Variants in XKR6 observed in about 807,000 individuals in gnomAD.
XKR6 encodes XK-related protein 6.
In XKR6, 22 loss-of-function variants were observed where a neutral mutation model predicts 56.7. The ratio of observed to expected loss-of-function variants is 0.39; its 90% CI spans 0.28 to 0.55. The LOEUF (loss-of-function observed/expected upper bound fraction) is 0.55, where lower values mean the gene tolerates loss of function less well. XKR6 is among the 20% of genes least tolerant of loss of function. The pLI, the probability that XKR6 is intolerant of heterozygous loss-of-function variation, is 0.66. For synonymous variants in XKR6, 524 were observed against 387.8 expected (o/e 1.35, Z -4.13); for missense variants, 852 against 889.0 (o/e 0.96, Z 0.53).
intron 1 of XKR6, among the ~76,000 whole-genome samples, chr8:10,982,298 T>G (rs78522136): frequency 0.024 from 3,628 of 152,326 alleles, 152 homozygotes; most frequent in African/African-American, 0.083. Context: ...AGATACGGTT[T>G]CTCAAGAAAG....
At chr8:11,065,897 G>A (rs1292476916) in intron 1 of XKR6, among the ~76,000 whole-genome samples, 1 of 152,204 alleles carries the variant, frequency 6.6e-6, no homozygotes, top group Non-Finnish European at 1.5e-5. Flanking sequence ...CAATGTGGCA[G>A]GGCTAAGCAA....
chr8:10,979,257 G>A (rs1436209934), intron 1 of XKR6, among the ~76,000 whole-genome samples: 1 of 151,960 alleles, frequency 6.6e-6, no homozygotes, highest in South Asian at 2.1e-4. Flanking sequence ...CAACCCCCAA[G>A]GGCCCAGCGA....
chr8:11,108,095 G>A (rs138357483), intron 1 of XKR6: 61 of 332,284 alleles, frequency 1.8e-4, no homozygotes, highest in African/African-American at 1.2e-3. Flanking sequence ...TCCCAGATCC[G>A]AAAACAGAGA....
intron 1 of XKR6, among the ~76,000 whole-genome samples, chr8:10,956,289 T>C (rs1801884747): frequency 6.6e-6 from 1 of 151,346 alleles, no homozygotes; most frequent in Admixed American, 6.6e-5. Context: ...CACGGTCATT[T>C]CATTTCCTTT....
At chr8:11,117,311 C>G (rs921559699) in intron 1 of XKR6, among the ~76,000 whole-genome samples, 1 of 152,164 alleles carries the variant, frequency 6.6e-6, no homozygotes, top group African/African-American at 2.4e-5. Flanking sequence ...CTGACACATA[C>G]GCCTCTTGTC....
At chr8:11,081,193 T>C (rs570455893) in intron 1 of XKR6, among the ~76,000 whole-genome samples, 7 of 152,212 alleles carry the variant, frequency 4.6e-5, no homozygotes, top group Non-Finnish European at 1.0e-4. Flanking sequence ...AAAATCCCTC[T>C]GTGAAAACTG....
At chr8:11,158,176 C>T (rs562948926) in intron 1 of XKR6, among the ~76,000 whole-genome samples, 2 of 152,214 alleles carry the variant, frequency 1.3e-5, no homozygotes, top group East Asian at 1.9e-4. Context: ...AATAATCAAT[C>T]GTCAGCCATA....
At chr8:11,116,676 G>A (rs1228907383) in intron 1 of XKR6, among the ~76,000 whole-genome samples, 1 of 152,100 alleles carries the variant, frequency 6.6e-6, no homozygotes, top group African/African-American at 2.4e-5. Context: ...AGGCCTATTT[G>A]CTACCATTCG....
chr8:11,143,796 C>T (rs922515842), intron 1 of XKR6, among the ~76,000 whole-genome samples: 6 of 152,250 alleles, frequency 3.9e-5, no homozygotes, highest in African/African-American at 7.2e-5. Context: ...CTACTTCATT[C>T]GACTCTGAGG....
intron 1 of XKR6, among the ~76,000 whole-genome samples, chr8:10,963,692 A>T (rs900457882): frequency 6.6e-6 from 1 of 151,524 alleles, no homozygotes. Context: ...CCACAGGTAA[A>T]TGCCATCATG....
At chr8:11,148,391 CAAG>C (rs1248717318) in intron 1 of XKR6, among the ~76,000 whole-genome samples, 4 of 152,168 alleles carry the variant, frequency 2.6e-5, no homozygotes, top group Non-Finnish European at 5.9e-5. Flanking sequence ...GTCTGCAAGC[CAAG>C]AAGAGGGGCC....
intron 1 of XKR6, among the ~76,000 whole-genome samples, chr8:10,949,655 C>A (rs1384701004): frequency 6.6e-6 from 1 of 152,232 alleles, no homozygotes; most frequent in Non-Finnish European, 1.5e-5. Flanking sequence ...TTGTTATCCC[C>A]ATTTTATAAT....
chr8:10,988,765 C>A (rs1797921885), intron 1 of XKR6, among the ~76,000 whole-genome samples: 1 of 152,204 alleles, frequency 6.6e-6, no homozygotes, highest in Non-Finnish European at 1.5e-5. Flanking sequence ...TTAATGGTCC[C>A]AATTTGTCAC....
intron 1 of XKR6, among the ~76,000 whole-genome samples, chr8:11,180,574 T>C (rs958107433): frequency 1.3e-5 from 2 of 152,018 alleles, no homozygotes; most frequent in East Asian, 3.9e-4. Context: ...TGGAGACAAA[T>C]AGTACAGGGC....
intron 1 of XKR6, among the ~76,000 whole-genome samples, chr8:10,980,822 G>C (rs1490925053): frequency 6.6e-6 from 1 of 152,066 alleles, no homozygotes; most frequent in Non-Finnish European, 1.5e-5. Flanking sequence ...CTGTTGCATG[G>C]ATCATGAATA....
chr8:11,134,632 C>A (rs1426760769), intron 1 of XKR6, among the ~76,000 whole-genome samples: 1 of 151,944 alleles, frequency 6.6e-6, no homozygotes, highest in Non-Finnish European at 1.5e-5. Flanking sequence ...TTGGATGGTT[C>A]TTTTTACTGT....
intron 1 of XKR6, among the ~76,000 whole-genome samples, chr8:11,046,220 GA>G (rs1266178958): frequency 6.6e-6 from 1 of 152,076 alleles, no homozygotes; most frequent in Non-Finnish European, 1.5e-5. Flanking sequence ...TCAATATGGT[GA>G]AACCCCCGTC....
At chr8:11,156,914 G>T (rs1397700056) in intron 1 of XKR6, among the ~76,000 whole-genome samples, 1 of 152,076 alleles carries the variant, frequency 6.6e-6, no homozygotes, top group Non-Finnish European at 1.5e-5. Flanking sequence ...GAAGATGGGG[G>T]AAAAGGCAAA....
intron 1 of XKR6, among the ~76,000 whole-genome samples, chr8:11,153,976 A>T (rs1801383737): frequency 6.6e-6 from 1 of 152,180 alleles, no homozygotes; most frequent in Non-Finnish European, 1.5e-5. Context: ...CTGCCCTTCA[A>T]GACCATTCCC....
Sources: gnomAD v4.1 joint callset for allele counts (sites outside exome capture counted in the v4.1 genomes callset) on GRCh38, gnomAD v4.1.1 for gene constraint, MANE v1.5 for transcripts, NCBI Gene and HGNC (gene_info 2026-07-23, HGNC 2026-07-21) for gene names.